ADGRL2: variants seen among roughly 807,000 people sequenced by gnomAD.
The protein encoded by ADGRL2 is calcium-independent alpha-latrotoxin receptor 2.
A neutral mutation model predicts 157.4 loss-of-function variants in ADGRL2; 44 were observed. The observed-to-expected ratio is 0.28, with a 90% confidence interval of 0.22 to 0.36. The LOEUF is 0.36. ADGRL2 is among the 10% of genes least tolerant of loss of function. The pLI is 1.00. For synonymous variants in ADGRL2, 585 were observed against 624.7 expected, an observed-to-expected ratio of 0.94 and a Z score of 0.95; for missense variants, 1,510 against 1,768.9, an observed-to-expected ratio of 0.85 and a Z score of 2.63.
intron 3 of ADGRL2, among the ~76,000 whole-genome samples, chr1:81,584,157 C>T: frequency 6.6e-6 from 1 of 152,144 alleles, no homozygotes; most frequent in Non-Finnish European, 1.5e-5. Context: ...TCGTGACAAA[C>T]AGGGCCTAAT....
intron 2 of ADGRL2, among the ~76,000 whole-genome samples, chr1:81,470,596 A>G (rs777909680): frequency 2.0e-5 from 3 of 152,244 alleles, no homozygotes; most frequent in African/African-American, 7.2e-5. Flanking sequence ...AGGCAAAGAA[A>G]CACACACAAA....
At chr1:81,721,825 T>C (rs2084333669) in intron 1 of ADGRL2, 1 of 964,068 alleles carries the variant, frequency 1.0e-6, no homozygotes, top group African/African-American at 1.6e-5. Flanking sequence ...CACCTGCTAC[T>C]CAGAAAGCTA....
At chr1:81,894,529 G>A (rs188195139) in intron 2 of ADGRL2, among the ~76,000 whole-genome samples, 1 of 152,028 alleles carries the variant, frequency 6.6e-6, no homozygotes, top group East Asian at 1.9e-4. Flanking sequence ...TTATATCTGT[G>A]AGATAAAAAT....
chr1:81,920,873 A>C (rs199824323), intron 3 of ADGRL2, among the ~76,000 whole-genome samples: 4 of 150,824 alleles, frequency 2.7e-5, no homozygotes, highest in African/African-American at 4.9e-5. Flanking sequence ...GAAAAAAAAA[A>C]CAAAAAAAAA....
chr1:81,357,428 C>T (rs1663398516), intron 1 of ADGRL2, among the ~76,000 whole-genome samples: 1 of 152,102 alleles, frequency 6.6e-6, no homozygotes, highest in South Asian at 2.1e-4. Flanking sequence ...TCTATATCCA[C>T]TAAAGTCATT....
intron 3 of ADGRL2, among the ~76,000 whole-genome samples, chr1:81,622,480 C>G (rs570108434): frequency 1.8e-4 from 27 of 152,314 alleles, no homozygotes; most frequent in Admixed American, 1.8e-3. Context: ...ACTCAGGAGC[C>G]TGAGGCAGGA....
At chr1:81,322,109 T>TATACACATATATATATATATATATACAC (rs71592379) in intron 1 of ADGRL2, among the ~76,000 whole-genome samples, 1 of 129,850 alleles carries the variant, frequency 7.7e-6, no homozygotes, top group African/African-American at 2.9e-5. Flanking sequence ...TATATATATA[T>TATACACATATATATATATATATATACAC]ACACATATAT....
At chr1:81,819,358 G>A (rs1334852393) in intron 1 of ADGRL2, among the ~76,000 whole-genome samples, 1 of 152,118 alleles carries the variant, frequency 6.6e-6, no homozygotes, top group South Asian at 2.1e-4. Flanking sequence ...TTTAGTGGAA[G>A]GGAGAAGGAA....
chr1:81,841,395 C>T (rs2092573374), intron 2 of ADGRL2, among the ~76,000 whole-genome samples: 1 of 151,912 alleles, frequency 6.6e-6, no homozygotes, highest in Admixed American at 6.6e-5. Context: ...AAGTGTGTGT[C>T]TGTAGGGTCT....
At chr1:81,633,791 A>G (rs569640597) in intron 3 of ADGRL2, among the ~76,000 whole-genome samples, 77 of 152,162 alleles carry the variant, frequency 5.1e-4, no homozygotes, top group Non-Finnish European at 8.8e-4. Flanking sequence ...TGTTTCATCA[A>G]TTAACCACTT....
chr1:81,492,053 G>T (rs2078644478), intron 2 of ADGRL2, among the ~76,000 whole-genome samples: 1 of 152,146 alleles, frequency 6.6e-6, no homozygotes, highest in Non-Finnish European at 1.5e-5. Flanking sequence ...CATTTTACAT[G>T]AAAGGAAGAA....
chr1:81,485,524 T>C (rs1375672508), intron 2 of ADGRL2, among the ~76,000 whole-genome samples: 1 of 152,190 alleles, frequency 6.6e-6, no homozygotes, highest in Non-Finnish European at 1.5e-5. Flanking sequence ...GTATTTCATA[T>C]ATGAATGGTA....
chr1:81,929,244 A>T (rs1401815528), intron 3 of ADGRL2, among the ~76,000 whole-genome samples: 1 of 152,164 alleles, frequency 6.6e-6, no homozygotes, highest in African/African-American at 2.4e-5. Context: ...AAGAAGCTTC[A>T]ATTGAAAATG....
At chr1:81,945,629 T>C (rs926506194) in intron 6 of ADGRL2, among the ~76,000 whole-genome samples, 1 of 152,102 alleles carries the variant, frequency 6.6e-6, no homozygotes, top group South Asian at 2.1e-4. Context: ...CCATTTCAGA[T>C]GAAAAGTCTT....
chr1:81,588,823 A>G (rs2081076591), intron 3 of ADGRL2, among the ~76,000 whole-genome samples: 1 of 152,202 alleles, frequency 6.6e-6, no homozygotes, highest in African/African-American at 2.4e-5. Context: ...CTGCCAATAC[A>G]GTAACTTTTT....
At chr1:81,971,650 A>G (rs1051741437) in intron 16 of ADGRL2, among the ~76,000 whole-genome samples, 1 of 147,808 alleles carries the variant, frequency 6.8e-6, no homozygotes, top group East Asian at 2.1e-4. Context: ...ATATAAAACC[A>G]GCAGTTTGAA....
chr1:81,332,960 G>A (rs1162010616), intron 1 of ADGRL2, among the ~76,000 whole-genome samples: 1 of 152,112 alleles, frequency 6.6e-6, no homozygotes, highest in Non-Finnish European at 1.5e-5. Context: ...TGAGTTTAAA[G>A]TTTATACACT....
At chr1:81,484,460 T>C (rs1412659102) in intron 2 of ADGRL2, among the ~76,000 whole-genome samples, 1 of 152,178 alleles carries the variant, frequency 6.6e-6, no homozygotes, top group African/African-American at 2.4e-5. Context: ...GCAGACTTGT[T>C]CCACTATGAC....
Position 81,542,157 on chromosome 1 carries a change from G to A in ADGRL2, c.-247-38719G>A, listed in dbSNP as rs75709904. Among the ~76,000 whole-genome samples the A allele has an allele frequency of 7.8e-3, 1,187 of 152,220 alleles. 15 individuals are homozygous for A. Among genetic ancestry groups the A allele is most frequent in the African/African-American group, 0.027 (1,129 of 41,514 alleles). On this transcript the variant is annotated intron_variant, in intron 2 of 24. Coordinates refer to the ADGRL2 transcript ENST00000370721. ...CTCATGCCCATGGCCTAGGGTTCTC[G>A]CCCCGTACCACAGGTTTGAACACCA...
Sources: allele counts gnomAD v4.1 joint callset (sites outside exome capture counted in the v4.1 genomes callset), GRCh38; gene constraint gnomAD v4.1.1; transcripts MANE v1.5; gene names NCBI Gene and HGNC (gene_info 2026-07-23, HGNC 2026-07-21).